COL7A1: variants seen among roughly 807,000 people sequenced by gnomAD.
COL7A1 encodes collagen type VII alpha 1 chain.
Under a neutral mutation model 456.2 loss-of-function variants are expected in COL7A1, and 296 were observed. The observed-to-expected ratio is 0.65, with a 90% CI of 0.59 to 0.71. COL7A1 has a LOEUF of 0.71. COL7A1 is among the 30% of genes least tolerant of loss of function. The pLI is 0.00. For synonymous variants in COL7A1, 1,464 were observed against 1,525.9 expected (o/e 0.96, Z 0.95); for missense variants, 3,441 against 4,017.2 (o/e 0.86, Z 3.88).
In COL7A1 at chr3:48,584,786, G is replaced by A; in HGVS notation, c.4012-17C>T. 6.2e-7 allele frequency: 1 copy of A among 1,614,018 alleles called. No individual in the cohort carries two copies. On this transcript the variant is annotated splice_polypyrimidine_tract_variant and intron_variant, in intron 34 of 118. Transcript: ENST00000681320. ...TCGCTCTCCCTGAGGACGAAACAGA[G>A]CAGAGGGTGGTGCTTGGGCTCAGGC...
In COL7A1 at chr3:48,575,031, G is replaced by A. The variant is rs750158254; in HGVS notation, c.6279+33C>T. On this transcript the variant is annotated intron_variant, in intron 76 of 118. Coordinates refer to ENST00000681320, the MANE Select transcript of COL7A1 (RefSeq NM_000094.4). The surrounding 1 kb of genome is among the most constrained non-coding windows in gnomAD (Gnocchi z 6.3). Reference sequence around the variant, plus strand: ...GCTAAGGGTGGCTTCCTGGTCACTAGTCACAGGACTAAGGCAGGGATGGGG... The same window carrying A: ...GCTAAGGGTGGCTTCCTGGTCACTAATCACAGGACTAAGGCAGGGATGGGG... The A allele has an allele frequency of 6.2e-7, 1 of 1,603,774 alleles. No individual in the cohort carries two copies. The highest frequency in any genetic ancestry group is 8.5e-7 in the Non-Finnish European group (1 of 1,170,778).
rs1334717726 is a variant in COL7A1, at chr3:48,567,673, C to A, written c.7983+37G>T. The A allele has an allele frequency of 4.3e-6, 7 of 1,613,980 alleles. No individual in the cohort carries two copies. Among genetic ancestry groups the A allele is most frequent in the Non-Finnish European group, 5.9e-6 (7 of 1,180,016 alleles). On this transcript the variant is annotated intron_variant, in intron 108 of 118. Transcript: ENST00000681320. The surrounding 1 kb of genome is among the most constrained non-coding windows in gnomAD (Gnocchi z 4.3). ...AAGACATGAACTTGGCCCCCGTCCACCCGTGGCCCCCTCATTCTGAGCGTG... is the reference window on the plus strand; with the variant it reads ...AAGACATGAACTTGGCCCCCGTCCAACCGTGGCCCCCTCATTCTGAGCGTG...
chr3:48,585,247 G>C lies in COL7A1; in HGVS notation c.3895-131C>G. On this transcript the variant is annotated intron_variant, in intron 32 of 118. Coordinates refer to ENST00000681320, the MANE Select transcript of COL7A1 (RefSeq NM_000094.4). The surrounding 1 kb of genome is among the most constrained non-coding windows in gnomAD (Gnocchi z 4.5). Reference sequence around the variant, plus strand: ...CCCAAGTGTTATTGGGGGTGGAACAGTGAGGCAGAGAAATGGCCCCTCAGA... The same window carrying C: ...CCCAAGTGTTATTGGGGGTGGAACACTGAGGCAGAGAAATGGCCCCTCAGA... The C allele has an allele frequency of 1.1e-6, 1 of 917,260 alleles. No individual in the cohort carries two copies. Among genetic ancestry groups the C allele is most frequent in the Non-Finnish European group, 1.7e-6 (1 of 596,562 alleles). 56.8% of individuals were successfully genotyped at this position (917,260 alleles called of 1,614,324 possible).
chr3:48,576,698 C>T lies in COL7A1; in HGVS notation c.5678G>A (p.Gly1893Glu). ...CACCTGGCCAGGAGGGCCCACTGGC[C>T]CTGGGAGGCCTGGAGGCCCCTGGGG... is the stretch of plus-strand genomic sequence containing the variant. ...LGPQGPPGLP[G>E]PVGPPGQGFP... The change falls in exon 68 of 119, where the codon GGG (glycine) becomes GAG (glutamate). Residue 1893 changes from glycine to glutamate, a missense_variant. Physicochemically the swap from Gly to Glu is moderately conservative, Grantham distance 98. This residue lies in a region of COL7A1 where 2,084 missense variants were observed against 2,501.3 expected (regional missense o/e 0.83). Transcript: ENST00000681320. The T allele has an allele frequency of 6.2e-7, 1 of 1,608,068 alleles. No individual in the cohort carries two copies. The highest frequency in any genetic ancestry group is 8.5e-7 in the Non-Finnish European group (1 of 1,177,742).
chr3:48,594,980 G>T lies in COL7A1; in HGVS notation c.85+95C>A. On this transcript the variant is annotated intron_variant, in intron 2 of 118. Coordinates refer to ENST00000681320, the MANE Select transcript of COL7A1 (RefSeq NM_000094.4). The surrounding 1 kb of genome is among the most constrained non-coding windows in gnomAD (Gnocchi z 5.5). ...CCGCGGGGCGTCGTGGAGTTGGCTG[G>T]GTTGTGGGCGGGGGGTGTTGGGGAT... 9.8e-7 allele frequency: 1 copy of T among 1,015,334 alleles called. No homozygotes were observed. 62.9% of individuals were successfully genotyped at this position (1,015,334 alleles called of 1,614,324 possible).
In COL7A1 at chr3:48,579,143, C is replaced by T; in HGVS notation, c.5388+54G>A. 6.3e-7 allele frequency: 1 copy of T among 1,599,382 alleles called. No individual in the cohort carries two copies. The highest frequency in any genetic ancestry group is 8.6e-7 in the Non-Finnish European group (1 of 1,169,082). On this transcript the variant is annotated intron_variant, in intron 62 of 118. Coordinates refer to ENST00000681320, the MANE Select transcript of COL7A1 (RefSeq NM_000094.4). The surrounding 1 kb of genome is among the most constrained non-coding windows in gnomAD (Gnocchi z 4.4). Reference sequence around the variant, plus strand: ...ACCAATGAGGCTGGGGTCTAGGGTCCTCATGTGAAGGGGTAGGGGAAGGGG... The same window carrying T: ...ACCAATGAGGCTGGGGTCTAGGGTCTTCATGTGAAGGGGTAGGGGAAGGGG...
chr3:48,593,481 C>A lies in COL7A1; in HGVS notation c.427-32G>T, dbSNP rs770912721. ...CAGGTGCAGGGGTCAAATCACGGTT[C>A]CCCTGGACACTTCATTTGGGGTCAT... is the stretch of plus-strand genomic sequence containing the variant. On this transcript the variant is annotated intron_variant, in intron 4 of 118. Coordinates refer to ENST00000681320, the MANE Select transcript of COL7A1 (RefSeq NM_000094.4). The surrounding 1 kb of genome is among the most constrained non-coding windows in gnomAD (Gnocchi z 4.4). 1 of 1,614,056 alleles carries A rather than the reference C, an allele frequency of 6.2e-7. No homozygotes were observed. The highest frequency in any genetic ancestry group is 1.1e-5 in the South Asian group (1 of 91,082).
At position 48,570,054 on chromosome 3, in the gene COL7A1, T is replaced by C; in HGVS notation, c.7485+80A>G. The C allele has an allele frequency of 3.8e-6, 6 of 1,597,506 alleles. No homozygotes were observed. The highest frequency in any genetic ancestry group is 5.1e-6 in the Non-Finnish European group (6 of 1,165,624). ...AGGAGGGCCAGAGGGCTAGGGAGGA[T>C]GGCAGAGAGTCCTGGGGTACAAAGG... On this transcript the variant is annotated intron_variant, in intron 99 of 118. Transcript: ENST00000681320. This position sits in a 1 kb window ranked among gnomAD's most constrained non-coding sequence, Gnocchi z 5.5.
chr3:48,587,987 A>C lies in COL7A1; in HGVS notation c.2711-48T>G. 1 of 1,544,568 alleles carries C rather than the reference A, an allele frequency of 6.5e-7. No individual in the cohort carries two copies. On this transcript the variant is annotated intron_variant, in intron 21 of 118. Coordinates refer to ENST00000681320, the MANE Select transcript of COL7A1 (RefSeq NM_000094.4). The surrounding 1 kb of genome is among the most constrained non-coding windows in gnomAD (Gnocchi z 6.1). ...GGCCAAGAGCATGTGGGATAGTGAC[A>C]CCTGGGGGCATTAAAGGGCCTGCCC...
Position 48,569,288 on chromosome 3 carries a change from C to T in COL7A1, c.7686+87G>A, listed in dbSNP as rs1415458651. 1.3e-6 allele frequency: 2 copies of T among 1,519,714 alleles called. No individual in the cohort carries two copies. The highest frequency in any genetic ancestry group is 3.3e-5 in the Admixed American group (2 of 59,844). 94.1% of individuals were successfully genotyped at this position (1,519,714 alleles called of 1,614,324 possible). On this transcript the variant is annotated intron_variant, in intron 103 of 118. Transcript: ENST00000681320. The surrounding 1 kb of genome is among the most constrained non-coding windows in gnomAD (Gnocchi z 4.9). ...CCCCTAAACCCCAGAAAGCCTCCTC[C>T]TGTCCTCCCCTCCTGCCCTCACAGA...
chr3:48,567,414 G>T lies in COL7A1; in HGVS notation c.8046+160C>A. 1.8e-6 allele frequency: 2 copies of T among 1,084,372 alleles called. No homozygotes were observed. Among genetic ancestry groups the T allele is most frequent in the Non-Finnish European group, 2.7e-6 (2 of 727,310 alleles). The allele number at this position is 1,084,372 out of a possible 1,614,324, so 67.2% of individuals were successfully genotyped here. A position where few individuals can be genotyped will look rare whatever the true frequency, so the allele number is the denominator to read the frequency against. On this transcript the variant is annotated intron_variant, in intron 109 of 118. Coordinates refer to ENST00000681320, the MANE Select transcript of COL7A1 (RefSeq NM_000094.4). This position sits in a 1 kb window ranked among gnomAD's most constrained non-coding sequence, Gnocchi z 4.3. ...CATGCTTTCATCCTAACTCCACTGTGACCCCAACCCACCTTGACACCTCGA... is the reference window on the plus strand; with the variant it reads ...CATGCTTTCATCCTAACTCCACTGTTACCCCAACCCACCTTGACACCTCGA...
Position 48,566,381 on chromosome 3 carries a change from A to C in COL7A1, c.8359-66T>G. 1 of 1,604,554 alleles carries C rather than the reference A, an allele frequency of 6.2e-7. No homozygotes were observed. Among genetic ancestry groups the C allele is most frequent in the Non-Finnish European group, 8.5e-7 (1 of 1,173,720 alleles). ...CCCACAGGAAGGACATAGGGCACAT[A>C]ATACAGGGACTATGGTGAGACTGCA... On this transcript the variant is annotated intron_variant, in intron 113 of 118. Transcript: ENST00000681320. This position sits in a 1 kb window ranked among gnomAD's most constrained non-coding sequence, Gnocchi z 5.9.
Position 48,569,290 on chromosome 3 carries a change from G to A in COL7A1, c.7686+85C>T, listed in dbSNP as rs2043765551. 4.6e-6 allele frequency: 7 copies of A among 1,524,462 alleles called. No individual in the cohort carries two copies. The highest frequency in any genetic ancestry group is 6.4e-6 in the Non-Finnish European group (7 of 1,098,768). The allele number at this position is 1,524,462 out of a possible 1,614,324, so 94.4% of individuals were successfully genotyped here. On this transcript the variant is annotated intron_variant, in intron 103 of 118. Transcript: ENST00000681320. This position sits in a 1 kb window ranked among gnomAD's most constrained non-coding sequence, Gnocchi z 4.9. ...CCTAAACCCCAGAAAGCCTCCTCCT[G>A]TCCTCCCCTCCTGCCCTCACAGATG...
Position 48,588,515 on chromosome 3 carries a change from C to T in COL7A1, c.2588-111G>A, listed in dbSNP as rs2045454689. 6 of 1,600,514 alleles carry T rather than the reference C, an allele frequency of 3.7e-6. No individual in the cohort carries two copies. The highest frequency in any genetic ancestry group is 4.3e-6 in the Non-Finnish European group (5 of 1,175,000). On this transcript the variant is annotated intron_variant, in intron 20 of 118. Transcript: ENST00000681320. This position sits in a 1 kb window ranked among gnomAD's most constrained non-coding sequence, Gnocchi z 4.6. ...CCCAGCCTCTCAGACCCCTCTCCCT[C>T]CTCTCAGACCCTGCCCCCAAAGGCT... is the stretch of plus-strand genomic sequence containing the variant.
At position 48,595,273 on chromosome 3, in the gene COL7A1, C is replaced by T. The variant is rs2046003828; in HGVS notation, c.-7G>A. Reference sequence around the variant, plus strand: ...AGCCCGAGTCCTGGTCTTGCCTGCGCGTCCGCCCGCTCCCGCCGCCGCCGC... The same window carrying T: ...AGCCCGAGTCCTGGTCTTGCCTGCGTGTCCGCCCGCTCCCGCCGCCGCCGC... On this transcript the variant is annotated 5_prime_UTR_variant, in exon 1 of 119. Transcript: ENST00000681320. 3 of 839,600 alleles carry T rather than the reference C, an allele frequency of 3.6e-6. No individual in the cohort carries two copies. Among genetic ancestry groups the T allele is most frequent in the Non-Finnish European group, 2.0e-6 (1 of 512,566 alleles). The allele number at this position is 839,600 out of a possible 1,614,324, so 52.0% of individuals were successfully genotyped here. A position where few individuals can be genotyped will look rare whatever the true frequency, so the allele number is the denominator to read the frequency against.
rs772857154 is a variant in COL7A1 at position 48,583,520 on chromosome 3, C to G, written c.4401+36G>C. The G allele has an allele frequency of 1.2e-6, 2 of 1,613,510 alleles. No individual in the cohort carries two copies. The highest frequency in any genetic ancestry group is 3.3e-5 in the Admixed American group (2 of 60,016). Reference sequence around the variant, plus strand: ...GATTGAGGTAGGGGCTGGAGCTGTGCCCACCATATTCAGAATCCCTGGCCC... The same window carrying G: ...GATTGAGGTAGGGGCTGGAGCTGTGGCCACCATATTCAGAATCCCTGGCCC... On this transcript the variant is annotated intron_variant, in intron 41 of 118. Transcript: ENST00000681320. The surrounding 1 kb of genome is among the most constrained non-coding windows in gnomAD (Gnocchi z 5.1).
At position 48,564,117 on chromosome 3, in the gene COL7A1, T is replaced by C; in HGVS notation, c.*289A>G. ...TTAATGCCCCCCAGAATCAGCACCA[T>C]GTCATCACAGGCTTGGGTCAAGGGG... is the stretch of plus-strand genomic sequence containing the variant. On this transcript the variant is annotated 3_prime_UTR_variant, in exon 119 of 119. Transcript: ENST00000681320. This position sits in a 1 kb window ranked among gnomAD's most constrained non-coding sequence, Gnocchi z 6.0. 1 of 529,028 alleles carries C rather than the reference T, an allele frequency of 1.9e-6. No homozygotes were observed. The allele number at this position is 529,028 out of a possible 1,614,324, so 32.8% of individuals were successfully genotyped here. A position where few individuals can be genotyped will look rare whatever the true frequency, so the allele number is the denominator to read the frequency against.
Position 48,564,190 on chromosome 3 carries a change from C to A in COL7A1, c.*216G>T, listed in dbSNP as rs1803298. 1.4e-5 allele frequency: 9 copies of A among 645,292 alleles called. No individual in the cohort carries two copies. Among genetic ancestry groups the A allele is most frequent in the Admixed American group, 6.5e-5 (3 of 46,216 alleles). 40.0% of individuals were successfully genotyped at this position (645,292 alleles called of 1,614,324 possible). A position where few individuals can be genotyped will look rare whatever the true frequency, so the allele number is the denominator to read the frequency against. ...CGCTCACTGCCCACAGCCACCCCCCCACAGTGAGTCATCTGCCAGGGTGGC... is the reference window on the plus strand; with the variant it reads ...CGCTCACTGCCCACAGCCACCCCCCAACAGTGAGTCATCTGCCAGGGTGGC... On this transcript the variant is annotated 3_prime_UTR_variant, in exon 119 of 119. Coordinates refer to ENST00000681320, the MANE Select transcript of COL7A1 (RefSeq NM_000094.4). The surrounding 1 kb of genome is among the most constrained non-coding windows in gnomAD (Gnocchi z 6.0).
intron 18 of COL7A1, 113 bp downstream of exon 18, chr3:48,589,214 G>T: frequency 6.5e-7 from 1 of 1,543,218 alleles, no homozygotes; most frequent in Non-Finnish European, 8.9e-7. Flanking sequence ...GTGGGTCAGT[G>T]TGGACAGGAC....
Sources: allele counts gnomAD v4.1 joint callset, GRCh38; gene constraint gnomAD v4.1.1; regional missense constraint gnomAD v4.1.1; non-coding constraint Gnocchi (gnomAD v3.1); transcripts MANE v1.5; gene names NCBI Gene and HGNC (gene_info 2026-07-23, HGNC 2026-07-21).